MAN1A1: variants seen among roughly 807,000 people sequenced by gnomAD.
MAN1A1 encodes the protein mannosidase alpha class 1A member 1.
In MAN1A1, 29 loss-of-function variants were observed where a neutral mutation model predicts 70.8. The ratio of observed to expected loss-of-function variants is 0.41; its 90% CI spans 0.31 to 0.56. MAN1A1 has a LOEUF of 0.56. Among genes scored for constraint, MAN1A1 ranks in the 20% least tolerant of loss-of-function variants. The pLI is 0.29. For missense variants in MAN1A1, 747 were observed against 841.3 expected (o/e 0.89, Z 1.39); for synonymous variants, 349 against 330.1 (o/e 1.06, Z -0.62).
intron 2 of MAN1A1, among the ~76,000 whole-genome samples, chr6:119,346,923 G>T (rs979795375): frequency 6.6e-6 from 1 of 152,164 alleles, no homozygotes; most frequent in African/African-American, 2.4e-5. Context: ...GAGTCTGGGA[G>T]GATTTGGTAA....
At chr6:119,199,400 C>T (rs917481142) in intron 8 of MAN1A1, among the ~76,000 whole-genome samples, 1 of 152,148 alleles carries the variant, frequency 6.6e-6, no homozygotes, top group African/African-American at 2.4e-5. Context: ...CAGCTTGCAA[C>T]TCAAAACACC....
chr6:119,232,699 GTGTGTGTGTGTGTGTGTGTA>G (rs1366259029), intron 6 of MAN1A1, among the ~76,000 whole-genome samples: 1 of 150,162 alleles, frequency 6.7e-6, no homozygotes, highest in South Asian at 2.1e-4. Context: ...GTGTGTGTGT[GTGTGTGTGTGTGTGTGTGTA>G]TATTTGGAAA....
intron 2 of MAN1A1, among the ~76,000 whole-genome samples, chr6:119,346,553 C>T (rs1773734646): frequency 6.6e-6 from 1 of 152,178 alleles, no homozygotes; most frequent in African/African-American, 2.4e-5. Context: ...CTACGTAAAT[C>T]TCGTTTACAC....
chr6:119,264,474 G>A (rs945779616), intron 5 of MAN1A1, among the ~76,000 whole-genome samples: 5 of 152,220 alleles, frequency 3.3e-5, no homozygotes, highest in African/African-American at 1.2e-4. Flanking sequence ...TCCTGAATGT[G>A]CAGTTTAACA....
chr6:119,334,879 T>C (rs575041631), intron 2 of MAN1A1, among the ~76,000 whole-genome samples: 2 of 152,356 alleles, frequency 1.3e-5, no homozygotes, highest in African/African-American at 4.8e-5. Context: ...AAGGTATTTC[T>C]CCAGATTTCT....
rs73517424 is a variant in MAN1A1 at position 119,203,910 on chromosome 6, G to A, written c.1116+849C>T. 9.0e-3 allele frequency among the ~76,000 whole-genome samples: 1,376 copies of A among 152,216 alleles called. 27 individuals are homozygous for A. The highest frequency in any genetic ancestry group is 0.032 in the African/African-American group (1,309 of 41,524). On this transcript the variant is annotated intron_variant, in intron 7 of 12. Transcript: ENST00000368468. ...CTAGAGTATAGAGATGGTATGTAAA[G>A]CCCAGAGACTAGATGCAACAATGTA...
intron 5 of MAN1A1, among the ~76,000 whole-genome samples, chr6:119,275,094 G>C (rs979234627): frequency 4.6e-5 from 7 of 151,654 alleles, no homozygotes; most frequent in Non-Finnish European, 8.8e-5. Flanking sequence ...GATTTCATGG[G>C]CTAGAAGGTT....
chr6:119,280,624 T>C (rs1368971947), intron 5 of MAN1A1, among the ~76,000 whole-genome samples: 1 of 152,200 alleles, frequency 6.6e-6, no homozygotes, highest in Non-Finnish European at 1.5e-5. Flanking sequence ...AGCTATCTTA[T>C]ATACCCTTCT....
At chr6:119,287,990 C>T (rs904505074) in intron 5 of MAN1A1, among the ~76,000 whole-genome samples, 6 of 151,962 alleles carry the variant, frequency 3.9e-5, no homozygotes, top group African/African-American at 1.4e-4. Context: ...AATATTTTAA[C>T]TGAGCTACGA....
chr6:119,224,057 G>A (rs1178232792), intron 6 of MAN1A1, among the ~76,000 whole-genome samples: 1 of 152,178 alleles, frequency 6.6e-6, no homozygotes, highest in Admixed American at 6.5e-5. Flanking sequence ...TGGCAGGGTA[G>A]CTGAAAGATC....
At chr6:119,349,360 A>T in intron 1 of MAN1A1, 73 bp from the exon 2 acceptor site, 1 of 1,063,130 alleles carries the variant, frequency 9.4e-7, no homozygotes, top group South Asian at 4.6e-5. Context: ...CCGCCCTCCG[A>T]CTCCTGGCGA....
intron 2 of MAN1A1, among the ~76,000 whole-genome samples, chr6:119,320,013 C>T (rs955538888): frequency 6.7e-6 from 1 of 150,168 alleles, no homozygotes; most frequent in Non-Finnish European, 1.5e-5. Flanking sequence ...CTTGCTGTGT[C>T]CCCAGGGTGG....
At chr6:119,293,195 A>C (rs1410160211) in intron 4 of MAN1A1, among the ~76,000 whole-genome samples, 1 of 152,108 alleles carries the variant, frequency 6.6e-6, no homozygotes, top group African/African-American at 2.4e-5. Context: ...CATCCGATAA[A>C]AATTATTCCA....
chr6:119,201,341 T>G lies in MAN1A1; in HGVS notation c.1123A>C (p.Asn375His). The change falls in exon 8 of 13, where the codon AAT becomes CAT. Residue 375 changes from asparagine (N) to histidine (H), a missense_variant. Physicochemically the swap from Asn to His is moderately conservative, Grantham distance 68. This residue lies in a region of MAN1A1 where 419 missense variants were observed against 548.2 expected (regional missense o/e 0.76). Transcript: ENST00000368468. ...GNPIFAEKVMNIRTVLNKLEK... is the reference protein window; with the variant it reads ...GNPIFAEKVMHIRTVLNKLEK... ...AGTTTGTTCAGTACTGTTCGAATAT[T>G]CATTACCTATAATAGAAAATAAAAT... The G allele has an allele frequency of 1.3e-6, 2 of 1,599,118 alleles. No homozygotes were observed. The highest frequency in any genetic ancestry group is 1.7e-6 in the Non-Finnish European group (2 of 1,166,640).
At chr6:119,297,629 C>T (rs1468441718) in intron 4 of MAN1A1, among the ~76,000 whole-genome samples, 1 of 151,766 alleles carries the variant, frequency 6.6e-6, no homozygotes, top group Admixed American at 6.6e-5. Flanking sequence ...GGAAAAATAC[C>T]AGTTACTACT....
intron 5 of MAN1A1, among the ~76,000 whole-genome samples, chr6:119,270,360 G>C (rs1032298561): frequency 6.6e-6 from 1 of 152,082 alleles, no homozygotes; most frequent in Non-Finnish European, 1.5e-5. Flanking sequence ...TTAAAACTCA[G>C]AACTATAGTG....
intron 6 of MAN1A1, among the ~76,000 whole-genome samples, chr6:119,235,466 C>T (rs1312748496): frequency 6.6e-6 from 1 of 152,196 alleles, no homozygotes; most frequent in Non-Finnish European, 1.5e-5. Flanking sequence ...CCCTAACTCT[C>T]TTTAATTCTA....
At chr6:119,202,936 G>C (rs575377152) in intron 7 of MAN1A1, among the ~76,000 whole-genome samples, 50 of 152,178 alleles carry the variant, frequency 3.3e-4, no homozygotes, top group Non-Finnish European at 6.2e-4. Flanking sequence ...AGGTTATGAC[G>C]GTAGAGCCTT....
chr6:119,286,034 G>A (rs1776365900), intron 5 of MAN1A1, among the ~76,000 whole-genome samples: 1 of 152,110 alleles, frequency 6.6e-6, no homozygotes, highest in Non-Finnish European at 1.5e-5. Flanking sequence ...ACTGCTATGT[G>A]CTAACCTTAT....
Sources: gnomAD v4.1 joint callset for allele counts (sites outside exome capture counted in the v4.1 genomes callset) on GRCh38, gnomAD v4.1.1 for gene constraint, gnomAD v4.1.1 regional missense constraint, MANE v1.5 for transcripts, NCBI Gene and HGNC (gene_info 2026-07-23, HGNC 2026-07-21) for gene names.